Variants in MSH4 observed in about 807,000 individuals in gnomAD.
MSH4 encodes the protein mutS protein homolog 4.
In MSH4, 106 loss-of-function variants were observed where a neutral mutation model predicts 113.7. The ratio of observed to expected loss-of-function variants is 0.93; its 90% CI spans 0.80 to 1.10. The LOEUF (loss-of-function observed/expected upper bound fraction) is 1.10, where lower values mean the gene tolerates loss of function less well. Among genes scored for constraint, MSH4 ranks in the 50% least tolerant of loss-of-function variants. The pLI is 0.00. For synonymous variants in MSH4, 368 were observed against 380.2 expected (o/e 0.97, Z 0.37); for missense variants, 1,061 against 1,093.7 (o/e 0.97, Z 0.42).
rs765151749 is a variant in MSH4, at chr1:75,912,867, C to T, written c.2791C>T (p.Pro931Ser). 1 of 1,524,610 alleles carries T rather than the reference C, an allele frequency of 6.6e-7. No homozygotes were observed. Among genetic ancestry groups the T allele is most frequent in the Non-Finnish European group, 8.8e-7 (1 of 1,138,394 alleles). The allele number at this position is 1,524,610 out of a possible 1,614,324, so 94.4% of individuals were successfully genotyped here. ...KEDFPRTEQV[P>S]EKTEE ...AGATTTTCCCAGGACTGAACAAGTT[C>T]CAGAAAAGACTGAAGAATAATCACA... Residue 931 changes from proline to serine, a missense_variant, in exon 20 of 20, where the codon CCA becomes TCA. Physicochemically the swap from Pro to Ser is moderately conservative, Grantham distance 74. Transcript: ENST00000263187.
At chr1:75,894,203 G>C (rs1652322397) in intron 17 of MSH4, among the ~76,000 whole-genome samples, 2 of 152,160 alleles carry the variant, frequency 1.3e-5, no homozygotes, top group African/African-American at 4.8e-5. Flanking sequence ...GGAATAATTG[G>C]ATCCCAGGGT....
chr1:75,862,533 G>A (rs1249456894), intron 8 of MSH4, among the ~76,000 whole-genome samples: 4 of 152,114 alleles, frequency 2.6e-5, no homozygotes, highest in Admixed American at 2.6e-4. Context: ...GAGGCTTTTT[G>A]TTAAGACTGT....
chr1:75,899,881 G>C lies in MSH4; in HGVS notation c.2619+175G>C, dbSNP rs1255197069. Among the ~76,000 whole-genome samples the C allele has an allele frequency of 2.0e-5, 3 of 151,024 alleles. No individual in the cohort carries two copies. In the South Asian group the frequency reaches 6.3e-4, roughly 31 times the overall value. On this transcript the variant is annotated intron_variant, in intron 19 of 19. Transcript: ENST00000263187. ...AATTTTACTTCTTAAAACTCTTTTG[G>C]TTTGGTCTATTATAATCCTCGCAGC...
rs193260876 is a variant in MSH4, at chr1:75,888,448, G to C, written c.2108-803G>C. Among the ~76,000 whole-genome samples, 185 of 151,914 alleles carry C rather than the reference G, an allele frequency of 1.2e-3. 4 individuals carry two copies. Among genetic ancestry groups the C allele is most frequent in the Admixed American group, 0.011 (172 of 15,246 alleles). On this transcript the variant is annotated intron_variant, in intron 15 of 19. Coordinates refer to ENST00000263187, the MANE Select transcript of MSH4 (RefSeq NM_002440.4). ...ACTTCTTGGGCAGAAACAGTCTTGT[G>C]GGTGAAAATTCACCTTTTTTTTCTT...
chr1:75,809,852 T>C (rs1324819700), intron 3 of MSH4, among the ~76,000 whole-genome samples: 1 of 152,064 alleles, frequency 6.6e-6, no homozygotes, highest in East Asian at 1.9e-4. Context: ...GGTTTCACCA[T>C]GTTGGCCAAG....
intron 1 of MSH4, among the ~76,000 whole-genome samples, chr1:75,800,092 A>C (rs2100498944): frequency 6.6e-6 from 1 of 152,258 alleles, no homozygotes; most frequent in East Asian, 1.9e-4. Flanking sequence ...AGTTTCAAGA[A>C]AGGGTATATA....
intron 9 of MSH4, among the ~76,000 whole-genome samples, chr1:75,872,626 A>T (rs1651739516): frequency 6.6e-6 from 1 of 152,192 alleles, no homozygotes; most frequent in African/African-American, 2.4e-5. Flanking sequence ...GAAAGAAAGA[A>T]TGGATCCATC....
At chr1:75,830,968 T>A (rs1650673255) in intron 7 of MSH4, among the ~76,000 whole-genome samples, 2 of 152,172 alleles carry the variant, frequency 1.3e-5, no homozygotes, top group Admixed American at 6.5e-5. Flanking sequence ...ATGGGCTAAA[T>A]GCTCCAATTA....
chr1:75,909,095 G>A (rs1652732743), intron 19 of MSH4, among the ~76,000 whole-genome samples: 1 of 152,090 alleles, frequency 6.6e-6, no homozygotes, highest in South Asian at 2.1e-4. Flanking sequence ...TCTCCCTCCA[G>A]GCACTAGTGG....
intron 7 of MSH4, among the ~76,000 whole-genome samples, chr1:75,839,330 T>C (rs1650899867): frequency 6.6e-6 from 1 of 152,140 alleles, no homozygotes; most frequent in African/African-American, 2.4e-5. Flanking sequence ...TTCTCCAGCC[T>C]CAGCCTCCCA....
intron 7 of MSH4, among the ~76,000 whole-genome samples, chr1:75,824,123 C>G (rs1650491129): frequency 2.0e-5 from 3 of 152,148 alleles, no homozygotes. Context: ...TTCTCCACAT[C>G]CTCTCCAGCA....
At chr1:75,908,646 T>C (rs1652721287) in intron 19 of MSH4, among the ~76,000 whole-genome samples, 1 of 152,208 alleles carries the variant, frequency 6.6e-6, no homozygotes, top group African/African-American at 2.4e-5. Context: ...TGTTTGCTCT[T>C]GTTCCTTGTG....
intron 19 of MSH4, among the ~76,000 whole-genome samples, chr1:75,910,424 T>C (rs1652764302): frequency 6.6e-6 from 1 of 151,818 alleles, no homozygotes; most frequent in Admixed American, 6.6e-5. Flanking sequence ...TCACTAGTAC[T>C]TTTTCTTTTC....
chr1:75,843,148 C>T (rs965956624), intron 7 of MSH4, among the ~76,000 whole-genome samples: 111 of 152,338 alleles, frequency 7.3e-4, no homozygotes, highest in Middle Eastern at 3.4e-3. Flanking sequence ...ACGTGACCCA[C>T]GTGACCTTAC....
At chr1:75,843,107 C>T (rs1169481105) in intron 7 of MSH4, among the ~76,000 whole-genome samples, 1 of 152,214 alleles carries the variant, frequency 6.6e-6, no homozygotes, top group Non-Finnish European at 1.5e-5. Context: ...CCTCGGCTGC[C>T]AGGCAGGGAA....
At chr1:75,804,196 A>C (rs1441217226) in intron 2 of MSH4, among the ~76,000 whole-genome samples, 2 of 152,160 alleles carry the variant, frequency 1.3e-5, no homozygotes, top group African/African-American at 4.8e-5. Flanking sequence ...ATGGCATTTA[A>C]ATCTAAAAGT....
chr1:75,823,444 T>C (rs1392809905), intron 7 of MSH4, among the ~76,000 whole-genome samples: 1 of 152,178 alleles, frequency 6.6e-6, no homozygotes, highest in Non-Finnish European at 1.5e-5. Context: ...CCAACAGGCA[T>C]ATTGCTAATT....
At chr1:75,845,929 A>C (rs1413671507) in intron 7 of MSH4, among the ~76,000 whole-genome samples, 3 of 152,190 alleles carry the variant, frequency 2.0e-5, no homozygotes, top group African/African-American at 4.8e-5. Context: ...AGAAGCCACC[A>C]TGGCTTCATA....
At chr1:75,825,377 G>T (rs1256115724) in intron 7 of MSH4, among the ~76,000 whole-genome samples, 1 of 152,026 alleles carries the variant, frequency 6.6e-6, no homozygotes, top group Non-Finnish European at 1.5e-5. Flanking sequence ...AGACGATGGG[G>T]TTTTCTAAAT....
Sources: allele counts gnomAD v4.1 joint callset (sites outside exome capture counted in the v4.1 genomes callset), GRCh38; gene constraint gnomAD v4.1.1; transcripts MANE v1.5; gene names NCBI Gene and HGNC (gene_info 2026-07-23, HGNC 2026-07-21).